Variants in CNTN4 observed in about 807,000 individuals in gnomAD.
The protein encoded by CNTN4 is contactin-4.
A neutral mutation model predicts 122.5 loss-of-function variants in CNTN4; 77 were observed. That is an observed-to-expected ratio of 0.63 (90% CI 0.52 to 0.76). The LOEUF is 0.76. Ranked by LOEUF, CNTN4 falls within the 30% of genes least tolerant of loss-of-function variation. The pLI is 0.00. For missense variants in CNTN4, 1,256 were observed against 1,259.1 expected, an observed-to-expected ratio of 1.00 and a Z score of 0.04; for synonymous variants, 512 against 447.0, an observed-to-expected ratio of 1.15 and a Z score of -1.83.
At chr3:2,283,310 A>G (rs764218161) in intron 2 of CNTN4, among the ~76,000 whole-genome samples, 2 of 152,124 alleles carry the variant, frequency 1.3e-5, no homozygotes, top group Non-Finnish European at 1.5e-5. Context: ...ATATTGCATA[A>G]ATAATATCAG....
intron 2 of CNTN4, among the ~76,000 whole-genome samples, chr3:2,189,595 T>C (rs990110631): frequency 6.6e-6 from 1 of 152,128 alleles, no homozygotes; most frequent in African/African-American, 2.4e-5. Flanking sequence ...GCCATATTCT[T>C]CTCGCCTCCA....
intron 3 of CNTN4, among the ~76,000 whole-genome samples, chr3:2,566,952 T>C (rs1171174833): frequency 1.3e-5 from 2 of 152,188 alleles, no homozygotes; most frequent in Admixed American, 6.5e-5. Context: ...AAAGGTAAAA[T>C]AGATATTATG....
Position 2,392,731 on chromosome 3 carries a change from C to T in CNTN4, c.-89+53498C>T, listed in dbSNP as rs534840317. Among the ~76,000 whole-genome samples, 20 of 152,260 alleles carry T rather than the reference C, an allele frequency of 1.3e-4. 1 individual carries two copies. The highest frequency in any genetic ancestry group is 1.2e-3 in the Admixed American group (19 of 15,300). ...CATGTTGTGCAATAGAACACAAAAG[C>T]TCATTCCTCTTATTTAACTAAAGCT... On this transcript the variant is annotated intron_variant, in intron 3 of 24. Transcript: ENST00000418658.
chr3:2,155,706 C>T (rs1042943377), intron 2 of CNTN4, among the ~76,000 whole-genome samples: 10 of 152,188 alleles, frequency 6.6e-5, no homozygotes, highest in South Asian at 2.1e-4. Context: ...TCACTCTCCC[C>T]GTGCTCTCTA....
intron 4 of CNTN4, among the ~76,000 whole-genome samples, chr3:2,698,139 T>A (rs947605819): frequency 1.3e-5 from 2 of 152,216 alleles, no homozygotes; most frequent in Non-Finnish European, 2.9e-5. Flanking sequence ...GCAGAAATTA[T>A]CACAGGACTG....
intron 10 of CNTN4, among the ~76,000 whole-genome samples, chr3:2,900,331 AT>A (rs150557339): frequency 0.016 from 2,433 of 152,282 alleles, 59 homozygotes; most frequent in African/African-American, 0.056. Flanking sequence ...ACCTGGAAAT[AT>A]ACCAGCCTGG....
In CNTN4 at chr3:2,285,757, A is replaced by T. The variant is rs374943711; in HGVS notation, c.-144-53421A>T. Among the ~76,000 whole-genome samples the T allele has an allele frequency of 2.0e-4, 30 of 152,248 alleles. No individual in the cohort carries two copies. The East Asian group carries it at 2.9e-3, about 15-fold the overall frequency. ...TTATTTACTGAGATTTGTTTTTTCT[A>T]CACTTAAATAGGCACATAAATACAT... On this transcript the variant is annotated intron_variant, in intron 2 of 24. Coordinates refer to ENST00000418658, the MANE Select transcript of CNTN4 (RefSeq NM_175607.3).
intron 4 of CNTN4, among the ~76,000 whole-genome samples, chr3:2,701,469 CAT>C (rs989737687): frequency 6.6e-6 from 1 of 152,140 alleles, no homozygotes. Flanking sequence ...CGTGGGGTAT[CAT>C]AGATGAAAGG....
intron 6 of CNTN4, among the ~76,000 whole-genome samples, chr3:2,795,366 G>C (rs1482560907): frequency 6.6e-6 from 1 of 152,116 alleles, no homozygotes; most frequent in Non-Finnish European, 1.5e-5. Flanking sequence ...AAAGGAACTT[G>C]TGTAACTGGG....
At chr3:2,888,605 T>C (rs1026988209) in intron 10 of CNTN4, among the ~76,000 whole-genome samples, 5 of 152,164 alleles carry the variant, frequency 3.3e-5, no homozygotes, top group African/African-American at 1.2e-4. Flanking sequence ...TCTCCTTTCA[T>C]AAATATCCAT....
intron 2 of CNTN4, among the ~76,000 whole-genome samples, chr3:2,329,772 G>A (rs1164290295): frequency 6.6e-6 from 1 of 151,990 alleles, no homozygotes; most frequent in African/African-American, 2.4e-5. Context: ...CTTTGTACCA[G>A]GAAAAATTAA....
At chr3:2,576,756 C>T (rs2079708159) in intron 4 of CNTN4, among the ~76,000 whole-genome samples, 1 of 152,110 alleles carries the variant, frequency 6.6e-6, no homozygotes, top group Non-Finnish European at 1.5e-5. Flanking sequence ...CCATGTGGGC[C>T]AGGCTGGTCT....
intron 8 of CNTN4, among the ~76,000 whole-genome samples, chr3:2,872,537 T>C (rs188777677): frequency 2.5e-4 from 38 of 152,296 alleles, no homozygotes; most frequent in African/African-American, 9.1e-4. Context: ...ATTTATAGCC[T>C]GTGTCTGTCT....
intron 6 of CNTN4, among the ~76,000 whole-genome samples, chr3:2,769,779 T>A (rs1314611763): frequency 6.6e-6 from 1 of 152,168 alleles, no homozygotes. Flanking sequence ...AAAATGCTTC[T>A]TGCCTGCAGC....
chr3:2,182,635 G>A (rs1352545756), intron 2 of CNTN4, among the ~76,000 whole-genome samples: 1 of 152,014 alleles, frequency 6.6e-6, no homozygotes, highest in Non-Finnish European at 1.5e-5. Context: ...CTTAAAATTA[G>A]GAGTCAATTA....
chr3:2,425,551 T>C (rs927924775), intron 3 of CNTN4, among the ~76,000 whole-genome samples: 4 of 152,154 alleles, frequency 2.6e-5, no homozygotes, highest in Admixed American at 1.3e-4. Context: ...CTTGGCAATG[T>C]GGGCTCTTTT....
chr3:2,900,741 G>T lies in CNTN4; in HGVS notation c.997G>T (p.Val333Phe), dbSNP rs903850973. 18 of 1,613,816 alleles carry T rather than the reference G, an allele frequency of 1.1e-5. No individual in the cohort carries two copies. Among genetic ancestry groups the T allele is most frequent in the Non-Finnish European group, 1.7e-6 (2 of 1,179,824 alleles). Residue 333 changes from valine (V) to phenylalanine (F), a missense_variant, in exon 11 of 25, where the codon GTC becomes TTC. Val to Phe is a conservative substitution (Grantham distance 50, BLOSUM62 -1). Transcript: ENST00000418658. ...TATTCACGTGGCCATGGAAGAAAATGTCTTTTGGGAATGTAAAGCAAATGG... is the reference window on the plus strand; with the variant it reads ...TATTCACGTGGCCATGGAAGAAAATTTCTTTTGGGAATGTAAAGCAAATGG... ...NDIHVAMEEN[V>F]FWECKANGRP...
At chr3:2,525,785 CTG>C (rs1448726146) in intron 3 of CNTN4, among the ~76,000 whole-genome samples, 3 of 152,078 alleles carry the variant, frequency 2.0e-5, no homozygotes, top group Non-Finnish European at 4.4e-5. Flanking sequence ...TGCAGATAAA[CTG>C]AGTACTGAAG....
chr3:2,975,387 T>G (rs1693327261), intron 13 of CNTN4, among the ~76,000 whole-genome samples: 1 of 152,228 alleles, frequency 6.6e-6, no homozygotes, highest in Non-Finnish European at 1.5e-5. Flanking sequence ...CTATTTCTTG[T>G]AAATGACATT....
Sources: allele counts gnomAD v4.1 joint callset (sites outside exome capture counted in the v4.1 genomes callset), GRCh38; gene constraint gnomAD v4.1.1; transcripts MANE v1.5; gene names NCBI Gene and HGNC (gene_info 2026-07-23, HGNC 2026-07-21).